MACROD2: variants seen among roughly 807,000 people sequenced by gnomAD.
MACROD2 encodes mono-ADP ribosylhydrolase 2, also known as ADP-ribose glycohydrolase MACROD2.
Under a neutral mutation model 70.4 loss-of-function variants are expected in MACROD2, and 36 were observed. That is an observed-to-expected ratio of 0.51 (90% confidence interval 0.39 to 0.68). MACROD2 has a LOEUF of 0.68. MACROD2 is among the 30% of genes least tolerant of loss of function. The probability of loss-of-function intolerance (pLI) is 0.00; values close to 1 mark genes in which losing one functional copy is unlikely to be tolerated. For synonymous variants in MACROD2, 172 were observed against 178.8 expected, an observed-to-expected ratio of 0.96 and a Z score of 0.30; for missense variants, 496 against 538.4, an observed-to-expected ratio of 0.92 and a Z score of 0.78.
chr20:15,095,124 T>C (rs145069713), intron 5 of MACROD2, among the ~76,000 whole-genome samples: 4,925 of 140,200 alleles, frequency 0.035, 132 homozygotes, highest in South Asian at 0.12. Context: ...TCGTCCAGGC[T>C]GGAGTGCAGT....
chr20:14,822,322 C>T (rs1477605349), intron 5 of MACROD2, among the ~76,000 whole-genome samples: 1 of 152,076 alleles, frequency 6.6e-6, no homozygotes, highest in East Asian at 1.9e-4. Context: ...TAACTTTCCA[C>T]TGAAGATGGA....
At chr20:16,048,573 T>G (rs1034298131) in intron 17 of MACROD2, among the ~76,000 whole-genome samples, 5 of 152,074 alleles carry the variant, frequency 3.3e-5, no homozygotes, top group Admixed American at 1.3e-4. Flanking sequence ...TGGACTGAGA[T>G]TACTGAAAAC....
chr20:15,986,948 C>G, intron 14 of MACROD2, 118 bp from the exon 15 acceptor site: 1 of 1,061,538 alleles, frequency 9.4e-7, no homozygotes, highest in South Asian at 1.5e-5. Flanking sequence ...ACTTGGTGTA[C>G]CTATTGAAAC....
chr20:14,820,777 A>G (rs2072835108), intron 5 of MACROD2, among the ~76,000 whole-genome samples: 1 of 151,496 alleles, frequency 6.6e-6, no homozygotes, highest in Non-Finnish European at 1.5e-5. Context: ...ATTCATAGGG[A>G]TTTTACTTAC....
intron 6 of MACROD2, among the ~76,000 whole-genome samples, chr20:15,317,487 ATCT>A (rs2146163493): frequency 8.6e-6 from 1 of 116,480 alleles, no homozygotes; most frequent in South Asian, 3.0e-4. Flanking sequence ...CATCTAATCT[ATCT>A]ATCTATCTAT....
At chr20:14,190,558 G>GA (rs1272767104) in intron 3 of MACROD2, among the ~76,000 whole-genome samples, 5 of 150,094 alleles carry the variant, frequency 3.3e-5, no homozygotes, top group African/African-American at 1.2e-4. Flanking sequence ...TAAAGTTGCT[G>GA]AAAAATATGG....
chr20:14,845,063 C>G (rs950626788), intron 5 of MACROD2, among the ~76,000 whole-genome samples: 18 of 152,126 alleles, frequency 1.2e-4, no homozygotes, highest in Admixed American at 2.0e-4. Context: ...GGCCATAGAA[C>G]AGCTTCTACT....
intron 3 of MACROD2, among the ~76,000 whole-genome samples, chr20:14,157,876 G>A (rs1174239559): frequency 6.6e-6 from 1 of 152,000 alleles, no homozygotes; most frequent in African/African-American, 2.4e-5. Flanking sequence ...GAATAGTGCT[G>A]GAATAAACAT....
chr20:14,536,159 C>A (rs1445329126), intron 4 of MACROD2, among the ~76,000 whole-genome samples: 1 of 152,112 alleles, frequency 6.6e-6, no homozygotes, highest in African/African-American at 2.4e-5. Flanking sequence ...TGATACCCAA[C>A]AACATATATG....
chr20:15,297,462 A>C (rs970196812), intron 6 of MACROD2, among the ~76,000 whole-genome samples: 6 of 152,206 alleles, frequency 3.9e-5, no homozygotes, highest in Non-Finnish European at 8.8e-5. Context: ...ATTTACTAGC[A>C]AAGAGGGCCA....
intron 5 of MACROD2, among the ~76,000 whole-genome samples, chr20:15,003,540 T>C (rs1053416728): frequency 6.6e-6 from 1 of 152,220 alleles, no homozygotes; most frequent in African/African-American, 2.4e-5. Context: ...TTTGAAACTG[T>C]CTTTGCATAA....
intron 5 of MACROD2, among the ~76,000 whole-genome samples, chr20:14,747,326 C>G (rs754024407): frequency 1.3e-5 from 2 of 151,986 alleles, no homozygotes; most frequent in Non-Finnish European, 2.9e-5. Context: ...GGACAGGGGA[C>G]TATGTAATAG....
At chr20:15,429,865 G>A (rs372217019) in intron 6 of MACROD2, among the ~76,000 whole-genome samples, 185 of 152,108 alleles carry the variant, frequency 1.2e-3, no homozygotes, top group Non-Finnish European at 2.0e-3. Context: ...GGCTTTTAGT[G>A]TAACCGTCAC....
At chr20:14,165,208 C>T (rs1272114395) in intron 3 of MACROD2, among the ~76,000 whole-genome samples, 1 of 152,194 alleles carries the variant, frequency 6.6e-6, no homozygotes, top group Admixed American at 6.5e-5. Flanking sequence ...AATACTATTG[C>T]ACAGTCTCCA....
chr20:14,164,338 G>T (rs8125471), intron 3 of MACROD2, among the ~76,000 whole-genome samples: 6 of 152,024 alleles, frequency 3.9e-5, no homozygotes, highest in African/African-American at 1.4e-4. Flanking sequence ...AGTGGTGGCA[G>T]CAGTGAGCTG....
At chr20:14,738,366 A>G (rs959475938) in intron 5 of MACROD2, among the ~76,000 whole-genome samples, 1 of 152,162 alleles carries the variant, frequency 6.6e-6, no homozygotes, top group African/African-American at 2.4e-5. Context: ...TGATCGCCTT[A>G]TACTTCAAGA....
intron 5 of MACROD2, among the ~76,000 whole-genome samples, chr20:14,937,545 C>T (rs1007185947): frequency 4.6e-5 from 7 of 151,590 alleles, no homozygotes; most frequent in African/African-American, 1.7e-4. Context: ...GCTTTCCAGG[C>T]AATAATAATG....
chr20:14,391,412 C>G (rs2083525173), intron 3 of MACROD2, among the ~76,000 whole-genome samples: 1 of 151,916 alleles, frequency 6.6e-6, no homozygotes, highest in South Asian at 2.1e-4. Context: ...TAAGTGGGAA[C>G]TAAATGATGA....
intron 3 of MACROD2, among the ~76,000 whole-genome samples, chr20:14,336,238 C>G (rs1195578857): frequency 6.6e-6 from 1 of 151,758 alleles, no homozygotes; most frequent in African/African-American, 2.4e-5. Flanking sequence ...GCATTTTAGA[C>G]AGATTTATTA....
Sources: gnomAD v4.1 joint callset for allele counts (sites outside exome capture counted in the v4.1 genomes callset) on GRCh38, gnomAD v4.1.1 for gene constraint, MANE v1.5 for transcripts, NCBI Gene and HGNC (gene_info 2026-07-23, HGNC 2026-07-21) for gene names.